CHLSN: variants seen among roughly 807,000 people sequenced by gnomAD.
CHLSN encodes the protein protein cholesin.
chr7:1,115,887 C>A, the CHLSN span, among the ~76,000 whole-genome samples: 3 of 115,948 alleles, frequency 2.6e-5, no homozygotes, highest in African/African-American at 9.4e-5. Flanking sequence ...CTAGGACCGG[C>A]TTCCATCACC....
the CHLSN span, among the ~76,000 whole-genome samples, chr7:990,570 G>A: frequency 6.6e-6 from 1 of 152,148 alleles, no homozygotes; most frequent in African/African-American, 2.4e-5. Context: ...ACGGGTGCAC[G>A]GCAGGCCTCA....
chr7:1,116,470 C>T, the CHLSN span, among the ~76,000 whole-genome samples: 2 of 101,458 alleles, frequency 2.0e-5, no homozygotes, highest in Non-Finnish European at 3.7e-5. Flanking sequence ...GACATCACTG[C>T]AGTTCTAGGA....
chr7:980,001 G>A, the CHLSN span, among the ~76,000 whole-genome samples: 69 of 152,304 alleles, frequency 4.5e-4, 1 homozygote, highest in African/African-American at 1.6e-3. Flanking sequence ...GAGCAAACAC[G>A]GCTTCTGGCC....
chr7:1,003,442 C>T, the CHLSN span, among the ~76,000 whole-genome samples: 9 of 22,668 alleles, frequency 4.0e-4, no homozygotes, highest in Admixed American at 1.0e-3. Flanking sequence ...TGGAGTCCTG[C>T]GGGTGGGGAG....
the CHLSN span, among the ~76,000 whole-genome samples, chr7:1,133,163 G>A: frequency 5.9e-5 from 9 of 152,046 alleles, no homozygotes; most frequent in Admixed American, 6.6e-5. Flanking sequence ...ACACTGTGCC[G>A]GGCAGGAGAA....
the CHLSN span, among the ~76,000 whole-genome samples, chr7:1,009,004 C>G: frequency 1.5e-4 from 3 of 20,448 alleles, no homozygotes; most frequent in African/African-American, 2.1e-3. Context: ...CATACACGCA[C>G]ACACACACAC....
the CHLSN span, among the ~76,000 whole-genome samples, chr7:998,296 C>T: frequency 2.6e-5 from 4 of 152,152 alleles, no homozygotes; most frequent in Non-Finnish European, 4.4e-5. Context: ...TCTGCAGGCA[C>T]GTTTCCTCAG....
chr7:1,044,619 C>G, the CHLSN span: 1 of 151,366 alleles, frequency 6.6e-6, no homozygotes, highest in Non-Finnish European at 1.5e-5. Context: ...CCGAGCTGCC[C>G]GCCCGGCGGC....
At chr7:979,021 C>A in the CHLSN span, among the ~76,000 whole-genome samples, 1 of 152,210 alleles carries the variant, frequency 6.6e-6, no homozygotes, top group African/African-American at 2.4e-5. Flanking sequence ...AGCTGCTGGG[C>A]TTCCCCACAG....
the CHLSN span, among the ~76,000 whole-genome samples, chr7:1,095,207 G>A: frequency 1.3e-5 from 2 of 152,074 alleles, no homozygotes; most frequent in African/African-American, 2.4e-5. Context: ...CCCCAGGGAC[G>A]AGACTTGCCC....
chr7:1,012,557 C>A, the CHLSN span, among the ~76,000 whole-genome samples: 1 of 152,276 alleles, frequency 6.6e-6, no homozygotes, highest in Non-Finnish European at 1.5e-5. Context: ...GCGCTCCCGA[C>A]CTGGCAGGAG....
chr7:997,549 C>A, the CHLSN span: 3 of 1,296,092 alleles, frequency 2.3e-6, no homozygotes, highest in Non-Finnish European at 3.0e-6. Context: ...CCGGCCCCCA[C>A]CGCCGGAGGA....
chr7:995,558 G>A, the CHLSN span, among the ~76,000 whole-genome samples: 19 of 152,338 alleles, frequency 1.2e-4, no homozygotes, highest in African/African-American at 4.3e-4. Context: ...TGCACTTTGC[G>A]GGTCTCCCTC....
chr7:1,107,947 A>G, the CHLSN span, among the ~76,000 whole-genome samples: 252 of 124,354 alleles, frequency 2.0e-3, 3 homozygotes, highest in African/African-American at 8.3e-3. Context: ...GCACCCCGGG[A>G]GGAAGCAGAG....
At chr7:983,069 G>A in the CHLSN span, 2 of 682,604 alleles carry the variant, frequency 2.9e-6, no homozygotes, top group Non-Finnish European at 4.3e-6. Flanking sequence ...CCATCCGCTG[G>A]GGGCTGCCCT....
chr7:978,466 C>G, the CHLSN span, among the ~76,000 whole-genome samples: 1 of 152,156 alleles, frequency 6.6e-6, no homozygotes, highest in African/African-American at 2.4e-5. Context: ...CTGCAGTGAA[C>G]CAAGATCGCA....
the CHLSN span, among the ~76,000 whole-genome samples, chr7:1,096,596 G>A: frequency 6.6e-6 from 1 of 152,212 alleles, no homozygotes; most frequent in Non-Finnish European, 1.5e-5. This position sits in a 1 kb window ranked among gnomAD's most constrained non-coding sequence, Gnocchi z 4.6. Flanking sequence ...AAATCAAGGC[G>A]TCTTAACTGC....
chr7:1,127,189 C>T, the CHLSN span: 5 of 1,508,230 alleles, frequency 3.3e-6, no homozygotes, highest in Admixed American at 9.7e-5. Context: ...GAGCCACCCC[C>T]TCTCCCTCCA....
At chr7:1,124,997 G>A in the CHLSN span, among the ~76,000 whole-genome samples, 1 of 152,232 alleles carries the variant, frequency 6.6e-6, no homozygotes, top group Admixed American at 6.5e-5. Flanking sequence ...CGCCCGGGGG[G>A]TGGCAGTGAG....
Sources: allele counts gnomAD v4.1 joint callset (sites outside exome capture counted in the v4.1 genomes callset), GRCh38; gene constraint gnomAD v4.1.1; non-coding constraint Gnocchi (gnomAD v3.1); transcripts MANE v1.5; gene names NCBI Gene and HGNC (gene_info 2026-07-23, HGNC 2026-07-21).